TNFRSF10B: variants seen among roughly 807,000 people sequenced by gnomAD.
TNFRSF10B encodes the protein tumor necrosis factor receptor superfamily member 10B.
In TNFRSF10B, 35 loss-of-function variants were observed where a neutral mutation model predicts 41.4. The observed-to-expected ratio is 0.85, with a 90% CI of 0.65 to 1.12. The LOEUF (loss-of-function observed/expected upper bound fraction) is 1.12, where lower values mean the gene tolerates loss of function less well. TNFRSF10B is among the 50% of genes most tolerant of loss of function. The pLI is 0.00. For missense variants in TNFRSF10B, 584 were observed against 552.7 expected (o/e 1.06, Z -0.57); for synonymous variants, 230 against 215.5 (o/e 1.07, Z -0.59).
rs543160076 is a variant in TNFRSF10B, at chr8:23,024,422, G to A, written c.937-162C>T. Among the ~76,000 whole-genome samples, 19 of 152,232 alleles carry A rather than the reference G, an allele frequency of 1.2e-4. No homozygotes were observed. The South Asian group carries it at 2.7e-3, about 22-fold the overall frequency. On this transcript the variant is annotated intron_variant, in intron 7 of 8. Coordinates refer to ENST00000276431, the MANE Select transcript of TNFRSF10B (RefSeq NM_003842.5). Reference sequence around the variant, plus strand: ...CAGGAGACAAAGGGGCAAGACTCTCGGAAGGAGGCCGATACAGCAGTCAAT... The same window carrying A: ...CAGGAGACAAAGGGGCAAGACTCTCAGAAGGAGGCCGATACAGCAGTCAAT...
intron 1 of TNFRSF10B, among the ~76,000 whole-genome samples, chr8:23,055,893 G>A (rs1207290896): frequency 1.3e-5 from 2 of 152,194 alleles, no homozygotes; most frequent in Non-Finnish European, 2.9e-5. Context: ...TTAGATGAAT[G>A]CACACTTACA....
chr8:23,042,140 T>G (rs1812220860), intron 2 of TNFRSF10B, among the ~76,000 whole-genome samples: 1 of 152,326 alleles, frequency 6.6e-6, no homozygotes, highest in Non-Finnish European at 1.5e-5. Flanking sequence ...CCCGTCCTGC[T>G]TCCTGGTCTT....
chr8:23,036,151 T>C (rs547493941), intron 2 of TNFRSF10B, among the ~76,000 whole-genome samples: 1 of 152,330 alleles, frequency 6.6e-6, no homozygotes, highest in South Asian at 2.1e-4. Context: ...GCAGACTGAA[T>C]GGTTAACCAT....
intron 1 of TNFRSF10B, among the ~76,000 whole-genome samples, chr8:23,059,539 T>C (rs6996793): frequency 0.38 from 57,787 of 152,012 alleles, 11,465 homozygotes; most frequent in East Asian, 0.64. Flanking sequence ...CAGAGTCTCG[T>C]TCTGTCGCCC....
intron 1 of TNFRSF10B, among the ~76,000 whole-genome samples, chr8:23,052,964 G>A (rs1446977705): frequency 6.6e-6 from 1 of 152,212 alleles, no homozygotes; most frequent in African/African-American, 2.4e-5. Context: ...TTGTCCTAAA[G>A]TAAATTAACT....
At chr8:23,045,749 G>A (rs888818705) in intron 1 of TNFRSF10B, among the ~76,000 whole-genome samples, 4 of 152,080 alleles carry the variant, frequency 2.6e-5, no homozygotes, top group Admixed American at 6.5e-5. Context: ...ATGATAAAAT[G>A]GAATTTGTTC....
At position 23,034,248 on chromosome 8, in the gene TNFRSF10B, C is replaced by T. The variant is rs371705191; in HGVS notation, c.251-3376G>A. Among the ~76,000 whole-genome samples, 5 of 152,262 alleles carry T rather than the reference C, an allele frequency of 3.3e-5. No homozygotes were observed. In the South Asian group the frequency reaches 6.2e-4, roughly 19 times the overall value. ...GCTCAAGTCCATCTCAGAAAGGGGC[C>T]AGTGGGTCCCCACACCCATCCTGTC... On this transcript the variant is annotated intron_variant, in intron 2 of 8. Coordinates refer to ENST00000276431, the MANE Select transcript of TNFRSF10B (RefSeq NM_003842.5).
Position 23,028,560 on chromosome 8 carries a change from C to T in TNFRSF10B, c.519G>A (p.Trp173Ter). ...CTTTGTGGACACATTCGATGTCACT[C>T]CAGGGTGTACAATCACCGACCTTGA... ...GMVKVGDCTPWSDIECVHKES... is the reference protein window; with the variant it reads ...GMVKVGDCTP Residue 173 changes from tryptophan to a stop codon, truncating the protein, a stop_gained, in exon 5 of 9, where the codon TGG becomes TGA. Transcript: ENST00000276431. LOFTEE classifies it high-confidence loss of function. The T allele has an allele frequency of 1.9e-6, 3 of 1,614,086 alleles. No homozygotes were observed. Among genetic ancestry groups the T allele is most frequent in the Non-Finnish European group, 2.5e-6 (3 of 1,179,994 alleles).
chr8:23,024,339 T>A (rs6557609), intron 7 of TNFRSF10B, 79 bp from the exon 8 acceptor site: 1 of 1,522,556 alleles, frequency 6.6e-7, no homozygotes, highest in African/African-American at 1.4e-5. Flanking sequence ...ACCAGCCAGC[T>A]CTGAGACCTG....
chr8:23,044,688 T>C (rs1812301962), intron 1 of TNFRSF10B, among the ~76,000 whole-genome samples: 1 of 151,112 alleles, frequency 6.6e-6, no homozygotes. Flanking sequence ...AGAAGAAAGA[T>C]CTCAAATACA....
chr8:23,050,712 T>A (rs1193636946), intron 1 of TNFRSF10B, among the ~76,000 whole-genome samples: 2 of 152,178 alleles, frequency 1.3e-5, no homozygotes, highest in Non-Finnish European at 2.9e-5. Context: ...CATCACATGG[T>A]CTAGCCTCAT....
At chr8:23,061,980 G>A (rs1370587853) in intron 1 of TNFRSF10B, among the ~76,000 whole-genome samples, 2 of 152,090 alleles carry the variant, frequency 1.3e-5, no homozygotes, top group Non-Finnish European at 2.9e-5. Flanking sequence ...GGGATACTGG[G>A]ATATAGCTTT....
chr8:23,053,785 A>G (rs111370514), intron 1 of TNFRSF10B, among the ~76,000 whole-genome samples: 20,884 of 152,236 alleles, frequency 0.14, 1,830 homozygotes, highest in Non-Finnish European at 0.19. Context: ...TAAAGGTGAA[A>G]TGTGGCTTAT....
In TNFRSF10B at chr8:23,027,587, G is replaced by T. The variant is rs1035711526; in HGVS notation, c.780+135C>A. The T allele has an allele frequency of 6.5e-6, 8 of 1,239,702 alleles. No individual in the cohort carries two copies. In the African/African-American group the frequency reaches 7.5e-5, roughly 12 times the overall value. The allele number at this position is 1,239,702 out of a possible 1,614,324, so 76.8% of individuals were successfully genotyped here. A position where few individuals can be genotyped will look rare whatever the true frequency, so the allele number is the denominator to read the frequency against. On this transcript the variant is annotated intron_variant, in intron 6 of 8. Coordinates refer to ENST00000276431, the MANE Select transcript of TNFRSF10B (RefSeq NM_003842.5). Reference sequence around the variant, plus strand: ...AATGGCCATGTGTCCCCCACAGTCAGCCCAGAGCACCCAGGCCACTTCAGA... The same window carrying T: ...AATGGCCATGTGTCCCCCACAGTCATCCCAGAGCACCCAGGCCACTTCAGA...
At position 23,036,217 on chromosome 8, in the gene TNFRSF10B, GCCTACCAAGC is replaced by G. The variant is rs1413064694; in HGVS notation, c.251-5355_251-5346del. Among the ~76,000 whole-genome samples, 23 of 152,210 alleles carry G rather than the reference GCCTACCAAGC, an allele frequency of 1.5e-4. No individual in the cohort carries two copies. In the East Asian group the frequency reaches 4.4e-3, roughly 29 times the overall value. ...CTCATCGTGAACTGAGTGTTATTTT[GCCTACCAAGC>G]CATAAGTTTGGGCACATACAGCCTA... is the stretch of plus-strand genomic sequence containing the variant. On this transcript the variant is annotated intron_variant, in intron 2 of 8. Coordinates refer to ENST00000276431, the MANE Select transcript of TNFRSF10B (RefSeq NM_003842.5).
chr8:23,059,209 T>G (rs923263368), intron 1 of TNFRSF10B, among the ~76,000 whole-genome samples: 2 of 152,260 alleles, frequency 1.3e-5, no homozygotes, highest in African/African-American at 4.8e-5. Context: ...AATACTCCAT[T>G]GTATGAATAT....
intron 2 of TNFRSF10B, among the ~76,000 whole-genome samples, chr8:23,034,370 T>C (rs184362663): frequency 6.6e-6 from 1 of 152,256 alleles, no homozygotes; most frequent in African/African-American, 2.4e-5. Flanking sequence ...TGAAGACTAT[T>C]ATGGTGGAAA....
chr8:23,068,687 C>A, intron 1 of TNFRSF10B, 64 bp downstream of exon 1: 3 of 1,538,224 alleles, frequency 2.0e-6, no homozygotes, highest in Non-Finnish European at 2.6e-6. Flanking sequence ...GTCCCCCTCT[C>A]TCCCTGCCCT....
Position 23,028,535 on chromosome 8 carries a change from C to G in TNFRSF10B, c.544G>C (p.Glu182Gln). The G allele has an allele frequency of 6.2e-7, 1 of 1,614,096 alleles. No individual in the cohort carries two copies. Among genetic ancestry groups the G allele is most frequent in the Non-Finnish European group, 8.5e-7 (1 of 1,179,986 alleles). Residue 182 changes from glutamate (E) to glutamine (Q), a missense_variant, in exon 5 of 9, where the codon GAA becomes CAA. Coordinates refer to ENST00000276431, the MANE Select transcript of TNFRSF10B (RefSeq NM_003842.5). ...TCCCCACTGTGCTTTGTACCTGATT[C>G]TTTGTGGACACATTCGATGTCACTC... ...PWSDIECVHK[E>Q]SGTKHSGEVP...
Sources: allele counts gnomAD v4.1 joint callset (sites outside exome capture counted in the v4.1 genomes callset), GRCh38; gene constraint gnomAD v4.1.1; transcripts MANE v1.5; gene names NCBI Gene and HGNC (gene_info 2026-07-23, HGNC 2026-07-21).